TANC1: variants seen among roughly 807,000 people sequenced by gnomAD.
The protein encoded by TANC1 is protein TANC1.
TANC1 carries 77 observed loss-of-function variants against 149.7 expected under a neutral mutation model. The observed-to-expected ratio is 0.51, with a 90% CI of 0.43 to 0.62. The LOEUF (loss-of-function observed/expected upper bound fraction) is 0.62. Ranked by LOEUF, TANC1 falls within the 20% of genes least tolerant of loss-of-function variation. TANC1 has a pLI of 0.00. For synonymous variants in TANC1, 854 were observed against 925.0 expected (o/e 0.92, Z 1.39); for missense variants, 1,985 against 2,321.8 (o/e 0.85, Z 2.98).
chr2:159,199,206 A>C (rs977620362), intron 19 of TANC1, among the ~76,000 whole-genome samples, 153 bp downstream of exon 19: 1 of 152,236 alleles, frequency 6.6e-6, no homozygotes. Flanking sequence ...AACTTTCTAC[A>C]TGAGTAGCAA....
intron 11 of TANC1, among the ~76,000 whole-genome samples, chr2:159,173,359 T>C (rs1365070919): frequency 6.6e-6 from 1 of 152,188 alleles, no homozygotes; most frequent in Non-Finnish European, 1.5e-5. Flanking sequence ...TCCCAGCACT[T>C]TGGGAGGCCG....
intron 22 of TANC1, 39 bp downstream of exon 22, chr2:159,219,906 G>A (rs373972168): frequency 3.6e-5 from 57 of 1,604,986 alleles, no homozygotes; most frequent in Non-Finnish European, 4.8e-5. Flanking sequence ...CACCTGCATT[G>A]GAAAGAAACC....
At chr2:158,977,992 G>A (rs919655604) in intron 1 of TANC1, among the ~76,000 whole-genome samples, 1 of 151,990 alleles carries the variant, frequency 6.6e-6, no homozygotes, top group Admixed American at 6.6e-5. Flanking sequence ...ATTTACTCCC[G>A]CTTCCACATT....
rs1553616294 is a variant in TANC1 at position 159,219,977 on chromosome 2, A to AGAGAGTGTGT, written c.3678+111_3678+112insAGAGTGTGTG. On this transcript the variant is annotated intron_variant, in intron 22 of 26. Coordinates refer to ENST00000263635, the MANE Select transcript of TANC1 (RefSeq NM_033394.3). ...AGGTTGTGTCTCAGTGTCATCAGAG[A>AGAGAGTGTGT]GTGTGTGTGTGTGTGTGTGTGTGTG... The AGAGAGTGTGT allele has an allele frequency of 5.2e-4, 292 of 560,664 alleles. No individual in the cohort carries two copies. The African/African-American group carries it at 5.4e-3, about 10-fold the overall frequency. 34.7% of individuals were successfully genotyped at this position (560,664 alleles called of 1,614,324 possible).
At chr2:159,090,188 T>C (rs2045375635) in intron 3 of TANC1, among the ~76,000 whole-genome samples, 1 of 152,214 alleles carries the variant, frequency 6.6e-6, no homozygotes, top group Non-Finnish European at 1.5e-5. Flanking sequence ...CATGTTTGTA[T>C]AGATGTAAAC....
intron 4 of TANC1, among the ~76,000 whole-genome samples, chr2:159,126,310 C>T (rs1391872311): frequency 6.6e-6 from 1 of 152,140 alleles, no homozygotes; most frequent in Non-Finnish European, 1.5e-5. Flanking sequence ...GCAGCTGGAC[C>T]TGGGGCCATT....
At chr2:159,007,221 A>G (rs2037296262) in intron 2 of TANC1, among the ~76,000 whole-genome samples, 1 of 134,048 alleles carries the variant, frequency 7.5e-6, no homozygotes, top group Admixed American at 9.3e-5. Context: ...ATCTTGGCTC[A>G]CCGCAACCAC....
intron 7 of TANC1, among the ~76,000 whole-genome samples, chr2:159,159,690 ACG>A (rs2053810008): frequency 1.1e-5 from 1 of 88,218 alleles, no homozygotes; most frequent in Non-Finnish European, 2.7e-5. Context: ...GCATACACAT[ACG>A]TGTGTGTGTG....
At chr2:159,155,365 G>A (rs1008078483) in intron 7 of TANC1, among the ~76,000 whole-genome samples, 6 of 152,200 alleles carry the variant, frequency 3.9e-5, no homozygotes, top group Admixed American at 3.3e-4. Flanking sequence ...CGTTAAGTCA[G>A]TCACTCTCTC....
At chr2:159,058,812 GTGTTT>G (rs1226379957) in intron 2 of TANC1, among the ~76,000 whole-genome samples, 1 of 150,334 alleles carries the variant, frequency 6.7e-6, no homozygotes, top group East Asian at 1.9e-4. Context: ...CTAAGGTAAG[GTGTTT>G]TGTTTGTTTG....
At chr2:159,041,928 C>A (rs1005291187) in intron 2 of TANC1, among the ~76,000 whole-genome samples, 1 of 152,186 alleles carries the variant, frequency 6.6e-6, no homozygotes, top group Non-Finnish European at 1.5e-5. Context: ...AACCCTACCC[C>A]ATGTTCGAGT....
chr2:159,122,764 TTC>T (rs999070687), intron 4 of TANC1, among the ~76,000 whole-genome samples: 5 of 103,536 alleles, frequency 4.8e-5, no homozygotes, highest in Non-Finnish European at 9.9e-5. Flanking sequence ...TTCTTTTTTC[TTC>T]TTTTTTTTTT....
intron 4 of TANC1, among the ~76,000 whole-genome samples, chr2:159,110,355 G>A (rs1400028455): frequency 6.6e-6 from 1 of 152,248 alleles, no homozygotes; most frequent in African/African-American, 2.4e-5. Context: ...AGGAGGCACT[G>A]CTGTACAGTG....
intron 13 of TANC1, 138 bp from the exon 14 acceptor site, chr2:159,178,418 T>G: frequency 9.8e-7 from 1 of 1,022,498 alleles, no homozygotes; most frequent in Non-Finnish European, 1.4e-6. Flanking sequence ...ATTACACGTT[T>G]TAATACAAAA....
intron 14 of TANC1, among the ~76,000 whole-genome samples, chr2:159,182,674 T>A (rs2056608810): frequency 6.6e-6 from 1 of 152,352 alleles, no homozygotes; most frequent in East Asian, 1.9e-4. Context: ...TCCTATAAAT[T>A]GGTAGTGAAG....
At chr2:159,109,233 G>T (rs1488935530) in intron 4 of TANC1, among the ~76,000 whole-genome samples, 1 of 152,218 alleles carries the variant, frequency 6.6e-6, no homozygotes, top group Admixed American at 6.5e-5. Flanking sequence ...GTCTGCCCCA[G>T]TCATGGGCAG....
Position 159,171,882 on chromosome 2 carries a change from G to GA in TANC1, c.1352-229dup, listed in dbSNP as rs200038123. Among the ~76,000 whole-genome samples, 11 of 114,314 alleles carry GA rather than the reference G, an allele frequency of 9.6e-5. No homozygotes were observed. In the South Asian group the frequency reaches 1.1e-3, roughly 11 times the overall value. 75.0% of individuals were successfully genotyped at this position (114,314 alleles called of 152,430 possible). A position where few individuals can be genotyped will look rare whatever the true frequency, so the allele number is the denominator to read the frequency against. On this transcript the variant is annotated intron_variant, in intron 10 of 26. Coordinates refer to ENST00000263635, the MANE Select transcript of TANC1 (RefSeq NM_033394.3). ...AAAAAAAAAAAAAAAAAAAGAAAAA[G>GA]AAAAAAAAAATTTAATAGAGGAAAC...
intron 1 of TANC1, among the ~76,000 whole-genome samples, chr2:158,992,669 A>ATTTTTTTTTTTTTTTTTT (rs70994251): frequency 3.6e-5 from 4 of 112,476 alleles, no homozygotes; most frequent in Non-Finnish European, 3.6e-5. Flanking sequence ...TGCCCAGCTA[A>ATTTTTTTTTTTTTTTTTT]TTTTTTTTTT....
At chr2:159,178,433 G>A (rs1194795521) in intron 13 of TANC1, 123 bp from the exon 14 acceptor site, 15 of 1,132,950 alleles carry the variant, frequency 1.3e-5, no homozygotes, top group East Asian at 9.7e-5. Context: ...ACAAAACAAT[G>A]AGTCCCTGTA....
Sources: gnomAD v4.1 joint callset for allele counts (sites outside exome capture counted in the v4.1 genomes callset) on GRCh38, gnomAD v4.1.1 for gene constraint, MANE v1.5 for transcripts, NCBI Gene and HGNC (gene_info 2026-07-23, HGNC 2026-07-21) for gene names.